TJP1: variants seen among roughly 807,000 people sequenced by gnomAD.
The protein encoded by TJP1 is tight junction protein 1.
Under a neutral mutation model 194.2 loss-of-function variants are expected in TJP1, and 43 were observed. That is an observed-to-expected ratio of 0.22 (90% confidence interval 0.17 to 0.29). TJP1 has a LOEUF of 0.29. TJP1 is among the 10% of genes least tolerant of loss of function. The probability of loss-of-function intolerance (pLI) is 1.00; values close to 1 mark genes in which losing one functional copy is unlikely to be tolerated. For missense variants in TJP1, 1,971 were observed against 2,185.7 expected (o/e 0.90, Z 1.96); for synonymous variants, 801 against 779.0 (o/e 1.03, Z -0.47).
At chr15:29,932,602 C>A (rs2054757256) in intron 2 of TJP1, among the ~76,000 whole-genome samples, 1 of 151,638 alleles carries the variant, frequency 6.6e-6, no homozygotes, top group Admixed American at 6.6e-5. Context: ...ATAAAAGAAA[C>A]CATAAAAGAC....
Position 29,943,697 on chromosome 15 carries a change from C to T in TJP1, c.306+12535G>A, listed in dbSNP as rs192231982. On this transcript the variant is annotated intron_variant, in intron 2 of 28. Coordinates refer to the TJP1 transcript ENST00000356107. Reference sequence around the variant, plus strand: ...AGCATGGTGGCTTATGCCTGTAATCCTAGCACTTTGGGAGGCCAAGGTGGG... The same window carrying T: ...AGCATGGTGGCTTATGCCTGTAATCTTAGCACTTTGGGAGGCCAAGGTGGG... 1.9e-3 allele frequency among the ~76,000 whole-genome samples: 288 copies of T among 148,848 alleles called. 2 individuals carry two copies. The highest frequency in any genetic ancestry group is 7.0e-3 in the African/African-American group (281 of 40,310).
chr15:29,787,509 C>G (rs770839672), intron 2 of TJP1, among the ~76,000 whole-genome samples: 1 of 152,118 alleles, frequency 6.6e-6, no homozygotes, highest in Non-Finnish European at 1.5e-5. Flanking sequence ...ATTCTTTAGC[C>G]ATCATCTCTC....
At chr15:29,950,985 C>T (rs969469932) in intron 2 of TJP1, among the ~76,000 whole-genome samples, 1 of 152,106 alleles carries the variant, frequency 6.6e-6, no homozygotes, top group African/African-American at 2.4e-5. Context: ...GTGCCTAGAA[C>T]AGTGCGTGGC....
chr15:29,709,777 A>G (rs2042124097), intron 24 of TJP1, among the ~76,000 whole-genome samples: 1 of 152,222 alleles, frequency 6.6e-6, no homozygotes, highest in African/African-American at 2.4e-5. Context: ...AAAATCAGGA[A>G]CTAGCAAAAG....
intron 2 of TJP1, among the ~76,000 whole-genome samples, chr15:29,941,461 G>C (rs2152284412): frequency 6.6e-6 from 1 of 152,258 alleles, no homozygotes; most frequent in East Asian, 1.9e-4. Context: ...TCTGGCTGAA[G>C]GGGGGAAGGA....
intron 2 of TJP1, among the ~76,000 whole-genome samples, chr15:29,829,521 T>G (rs1325240061): frequency 9.2e-5 from 14 of 151,854 alleles, no homozygotes; most frequent in Admixed American, 9.2e-4. Context: ...AGAACTGCTG[T>G]GAGACATTTC....
upstream of TJP1, among the ~76,000 whole-genome samples, chr15:29,825,020 T>C (rs2050634996): frequency 6.6e-6 from 1 of 152,210 alleles, no homozygotes; most frequent in East Asian, 1.9e-4. Context: ...GTATTTTTAA[T>C]ATCTAAATTA....
At chr15:29,873,923 A>G (rs914695497) in intron 2 of TJP1, among the ~76,000 whole-genome samples, 1 of 152,216 alleles carries the variant, frequency 6.6e-6, no homozygotes, top group African/African-American at 2.4e-5. Flanking sequence ...GATATTGCAC[A>G]AAGTACAGCA....
chr15:29,873,327 A>G (rs2052589798), intron 2 of TJP1, among the ~76,000 whole-genome samples: 2 of 152,216 alleles, frequency 1.3e-5, no homozygotes, highest in Non-Finnish European at 1.5e-5. Flanking sequence ...ATTTTAAAAA[A>G]TTGATTCTGG....
intron 2 of TJP1, among the ~76,000 whole-genome samples, chr15:29,950,659 G>T (rs534324510): frequency 5.3e-5 from 8 of 152,194 alleles, no homozygotes; most frequent in Non-Finnish European, 1.2e-4. Context: ...CCACAGAACT[G>T]GGAAGCCCAG....
At chr15:29,748,812 T>A (rs1444486327) in intron 8 of TJP1, among the ~76,000 whole-genome samples, 3 of 151,982 alleles carry the variant, frequency 2.0e-5, no homozygotes, top group African/African-American at 7.2e-5. Flanking sequence ...GGGTTCAAGT[T>A]ATCCTCCTAC....
chr15:29,719,012 G>T lies in TJP1; in HGVS notation c.3130C>A (p.Pro1044Thr). The T allele has an allele frequency of 6.2e-7, 1 of 1,614,144 alleles. No homozygotes were observed. The highest frequency in any genetic ancestry group is 8.5e-7 in the Non-Finnish European group (1 of 1,180,020). Residue 1044 changes from proline to threonine, a missense_variant, in exon 21 of 28, where the codon CCA (proline) becomes ACA (threonine). Around this residue, in one of 5 missense-constraint regions of TJP1, gnomAD observed 1,108 missense variants for 1,128.5 expected, o/e 0.98. Transcript: ENST00000614355. ...EPNLTYEPQL[P>T]YVEKQASRDL... ...CTGCTGGCTTGTTTCTCTACGTATG[G>T]GAGTTGGGGTTCATAGGTCAGATTA...
At chr15:29,822,996 C>G (rs2050524408), upstream of TJP1, 2 of 152,304 alleles carry the variant, frequency 1.3e-5, no homozygotes, top group Admixed American at 1.3e-4. Context: ...AAGCGTTGCT[C>G]TCGTTCACCG....
intron 2 of TJP1, among the ~76,000 whole-genome samples, chr15:29,843,229 C>T (rs977375023): frequency 3.3e-5 from 5 of 150,410 alleles, no homozygotes; most frequent in African/African-American, 1.2e-4. Flanking sequence ...GCTCTTGTTG[C>T]CCAGGCTGGA....
At chr15:29,922,735 G>A (rs1195991505) in intron 2 of TJP1, among the ~76,000 whole-genome samples, 2 of 152,034 alleles carry the variant, frequency 1.3e-5, no homozygotes, top group Non-Finnish European at 2.9e-5. Flanking sequence ...AAAGGAAATG[G>A]TAACAGAACA....
chr15:29,868,815 C>T (rs2052394879), intron 2 of TJP1, among the ~76,000 whole-genome samples: 2 of 152,128 alleles, frequency 1.3e-5, no homozygotes, highest in South Asian at 4.1e-4. Context: ...AAGGTTTTGG[C>T]ACAGGCAAAA....
chr15:29,753,400 C>T (rs1478986448), intron 8 of TJP1, among the ~76,000 whole-genome samples: 1 of 143,228 alleles, frequency 7.0e-6, no homozygotes, highest in Non-Finnish European at 1.5e-5. Flanking sequence ...AGGAGAATAG[C>T]GTGAACCTGG....
At chr15:29,843,694 G>C (rs1468061981) in intron 2 of TJP1, among the ~76,000 whole-genome samples, 1 of 152,144 alleles carries the variant, frequency 6.6e-6, no homozygotes, top group Non-Finnish European at 1.5e-5. Context: ...AATGTTCAAT[G>C]GTAGTAAGTG....
intron 2 of TJP1, among the ~76,000 whole-genome samples, chr15:29,923,959 A>G (rs2054448047): frequency 6.6e-6 from 1 of 152,240 alleles, no homozygotes; most frequent in African/African-American, 2.4e-5. Flanking sequence ...CTGGCATGCA[A>G]CAAATCAGCT....
Sources: allele counts gnomAD v4.1 joint callset (sites outside exome capture counted in the v4.1 genomes callset), GRCh38; gene constraint gnomAD v4.1.1; regional missense constraint gnomAD v4.1.1; transcripts MANE v1.5; gene names NCBI Gene and HGNC (gene_info 2026-07-23, HGNC 2026-07-21).